Variants in FAS observed in about 807,000 individuals in gnomAD.
FAS encodes Fas cell surface death receptor.
A neutral mutation model predicts 33.2 loss-of-function variants in FAS; 5 were observed. That is an observed-to-expected ratio of 0.15 (90% confidence interval 0.08 to 0.32). FAS has a LOEUF of 0.32. Among genes scored for constraint, FAS ranks in the 10% least tolerant of loss-of-function variants. The probability of loss-of-function intolerance (pLI) is 1.00; values close to 1 mark genes in which losing one functional copy is unlikely to be tolerated. For missense variants in FAS, 339 were observed against 386.0 expected (o/e 0.88, Z 1.02); for synonymous variants, 131 against 130.7 (o/e 1.00, Z -0.01).
intron 1 of FAS, among the ~76,000 whole-genome samples, chr10:88,971,922 T>G (rs910303826): frequency 6.6e-6 from 1 of 152,008 alleles, no homozygotes; most frequent in South Asian, 2.1e-4. Flanking sequence ...CTTTTTTTTT[T>G]TTTTTTAGAT....
At chr10:89,007,606 A>T (rs2133501190) in intron 2 of FAS, 94 bp from the exon 3 acceptor site, 37 of 1,373,924 alleles carry the variant, frequency 2.7e-5, no homozygotes, top group East Asian at 5.4e-5. Context: ...CTTGTGTTTT[A>T]GAAGAGTTTT....
At chr10:88,967,135 A>C (rs964548960) in intron 1 of FAS, among the ~76,000 whole-genome samples, 2 of 152,328 alleles carry the variant, frequency 1.3e-5, no homozygotes, top group South Asian at 4.1e-4. Context: ...TAAAAGCTGC[A>C]ACTTGGAATT....
intron 2 of FAS, among the ~76,000 whole-genome samples, chr10:88,981,713 A>G (rs1846717236): frequency 6.6e-6 from 1 of 152,172 alleles, no homozygotes; most frequent in Admixed American, 6.5e-5. Flanking sequence ...GGGAAACGGT[A>G]GATAAAAGAT....
chr10:88,975,473 C>T (rs1793144895), intron 2 of FAS, among the ~76,000 whole-genome samples: 2 of 152,116 alleles, frequency 1.3e-5, no homozygotes, highest in Admixed American at 6.5e-5. Flanking sequence ...GTCATTCCTG[C>T]TTTCCCAGTT....
At chr10:88,970,386 C>G (rs564769805) in intron 1 of FAS, among the ~76,000 whole-genome samples, 66 of 152,106 alleles carry the variant, frequency 4.3e-4, no homozygotes, top group Non-Finnish European at 7.9e-4. Flanking sequence ...TTGCTGTGCC[C>G]TTTTCTGACT....
rs899518506 is a variant in FAS, at chr10:89,015,105, A to G, written c.*655A>G. On this transcript the variant is annotated 3_prime_UTR_variant, in exon 9 of 9. Transcript: ENST00000652046. The stretch of plus-strand genomic sequence containing the variant: ...TTAAATTATAATGTTTGACTATTAT[A>G]TATGTGTATGCATTTTACTGGCTCA... The G allele has an allele frequency of 9.4e-6, 5 of 534,674 alleles. No individual in the cohort carries two copies. Among genetic ancestry groups the G allele is most frequent in the Middle Eastern group, 5.1e-4 (1 of 1,956 alleles). 33.1% of individuals were successfully genotyped at this position (534,674 alleles called of 1,614,324 possible). A position where few individuals can be genotyped will look rare whatever the true frequency, so the allele number is the denominator to read the frequency against.
chr10:88,979,232 A>C (rs1846649411), intron 2 of FAS, among the ~76,000 whole-genome samples: 1 of 151,940 alleles, frequency 6.6e-6, no homozygotes, highest in Non-Finnish European at 1.5e-5. Context: ...AGAGATAAGG[A>C]AGGGAAGAAA....
At chr10:89,010,930 T>A in intron 6 of FAS, 115 bp downstream of exon 6, 1 of 1,226,740 alleles carries the variant, frequency 8.2e-7, no homozygotes, top group Non-Finnish European at 1.2e-6. Flanking sequence ...TATGTATTGT[T>A]AATTTCTTGC....
At position 89,010,788 on chromosome 10, in the gene FAS, C is replaced by A. The variant is rs1347979422; in HGVS notation, c.541C>A (p.Leu181Ile). Reference sequence around the variant, plus strand: ...TAACTTGGGGTGGCTTTGTCTTCTTCTTTTGCCAATTCCACTAATTGTTTG... The same window carrying A: ...TAACTTGGGGTGGCTTTGTCTTCTTATTTTGCCAATTCCACTAATTGTTTG... ...RSNLGWLCLL[L>I]LPIPLIVWVK... The change falls in exon 6 of 9, where the codon CTT (leucine) becomes ATT (isoleucine). Residue 181 changes from leucine to isoleucine, a missense_variant. Leu to Ile is a conservative substitution (Grantham distance 5). This residue lies in a region of FAS where 276 missense variants were observed against 300.1 expected (regional missense o/e 0.92). Coordinates refer to ENST00000652046, the MANE Select transcript of FAS (RefSeq NM_000043.6). 1.9e-6 allele frequency: 3 copies of A among 1,613,944 alleles called. No homozygotes were observed. The African/African-American group carries it at 4.0e-5, about 22-fold the overall frequency.
chr10:89,014,174 A>C lies in FAS; in HGVS notation c.732A>C (p.Gln244His). 1 of 1,613,952 alleles carries C rather than the reference A, an allele frequency of 6.2e-7. No individual in the cohort carries two copies. The highest frequency in any genetic ancestry group is 8.5e-7 in the Non-Finnish European group (1 of 1,179,928). The change falls in exon 9 of 9, where the codon CAA (glutamine) becomes CAC (histidine). Residue 244 changes from glutamine to histidine, a missense_variant. Coordinates refer to ENST00000652046, the MANE Select transcript of FAS (RefSeq NM_000043.6). ...TTGCTGGAGTCATGACACTAAGTCA[A>C]GTTAAAGGCTTTGTTCGAAAGAATG... ...TTIAGVMTLS[Q>H]VKGFVRKNGV...
At chr10:89,004,042 C>T (rs866633952) in intron 2 of FAS, among the ~76,000 whole-genome samples, 1 of 152,284 alleles carries the variant, frequency 6.6e-6, no homozygotes. Context: ...TATAACCCAA[C>T]CCATTTATAC....
At chr10:88,972,269 T>C (rs1317490223) in intron 1 of FAS, among the ~76,000 whole-genome samples, 2 of 152,112 alleles carry the variant, frequency 1.3e-5, no homozygotes, top group African/African-American at 4.8e-5. Flanking sequence ...TTGCTAACGA[T>C]TAAGGGGAGA....
chr10:88,990,786 A>T (rs756858086), upstream of FAS: 2 of 1,560,154 alleles, frequency 1.3e-6, no homozygotes, highest in Non-Finnish European at 1.8e-6. This position sits in a 1 kb window ranked among gnomAD's most constrained non-coding sequence, Gnocchi z 4.9. Flanking sequence ...CTGGCTGCCC[A>T]GGCGGAGCTG....
chr10:88,976,949 T>C (rs1322198359), intron 2 of FAS, among the ~76,000 whole-genome samples: 1 of 152,172 alleles, frequency 6.6e-6, no homozygotes, highest in Non-Finnish European at 1.5e-5. Flanking sequence ...GTGAAGGTAA[T>C]TTTTGCCCAC....
upstream of FAS, chr10:88,989,702 G>C (rs1473006096): frequency 2.5e-6 from 1 of 405,834 alleles, no homozygotes; most frequent in Non-Finnish European, 4.9e-6. Flanking sequence ...AAGCCTGAAG[G>C]ATGAACAGTG....
chr10:88,995,598 A>T (rs1351863058), intron 1 of FAS, among the ~76,000 whole-genome samples: 1 of 152,148 alleles, frequency 6.6e-6, no homozygotes, highest in African/African-American at 2.4e-5. Flanking sequence ...AGGTGGGTGG[A>T]TCATGGATCA....
intron 1 of FAS, chr10:89,002,577 A>C (rs1001588643): frequency 1.7e-5 from 3 of 177,916 alleles, no homozygotes; most frequent in Admixed American, 5.5e-5. Context: ...TGAAACTTTA[A>C]TAATAAAAGT....
chr10:88,973,449 T>A, intron 2 of FAS: 1 of 1,040,470 alleles, frequency 9.6e-7, no homozygotes, highest in African/African-American at 1.6e-5. Flanking sequence ...CTTTCCTTTC[T>A]AAAGAAAAAC....
intron 1 of FAS, among the ~76,000 whole-genome samples, chr10:88,993,421 G>A (rs1441966123): frequency 6.6e-6 from 1 of 152,028 alleles, no homozygotes; most frequent in Non-Finnish European, 1.5e-5. Context: ...GTGGATCCAT[G>A]AGGCTCATTT....
Sources: allele counts gnomAD v4.1 joint callset (sites outside exome capture counted in the v4.1 genomes callset), GRCh38; gene constraint gnomAD v4.1.1; regional missense constraint gnomAD v4.1.1; non-coding constraint Gnocchi (gnomAD v3.1); transcripts MANE v1.5; gene names NCBI Gene and HGNC (gene_info 2026-07-23, HGNC 2026-07-21).